The following ERLEC1 variants were observed in gnomAD, a reference collection of about 807,000 sequenced individuals.
The protein encoded by ERLEC1 is ER lectin.
Under a neutral mutation model 68.0 loss-of-function variants are expected in ERLEC1, and 47 were observed. The observed-to-expected ratio is 0.69, with a 90% CI of 0.55 to 0.88. The LOEUF is 0.88. Ranked by LOEUF, ERLEC1 falls within the 40% of genes least tolerant of loss-of-function variation. The probability of loss-of-function intolerance (pLI) is 0.00; values close to 1 mark genes in which losing one functional copy is unlikely to be tolerated. For missense variants in ERLEC1, 567 were observed against 583.8 expected (o/e 0.97, Z 0.30); for synonymous variants, 225 against 203.2 (o/e 1.11, Z -0.91).
chr2:53,793,762 C>T (rs993096694), intron 1 of ERLEC1, among the ~76,000 whole-genome samples: 1 of 151,956 alleles, frequency 6.6e-6, no homozygotes, highest in Non-Finnish European at 1.5e-5. Context: ...TTTCTTTATA[C>T]TCCAAACATT....
At chr2:53,815,297 C>T (rs374906797) in intron 13 of ERLEC1, among the ~76,000 whole-genome samples, 17 of 152,236 alleles carry the variant, frequency 1.1e-4, no homozygotes, top group East Asian at 3.9e-4. Flanking sequence ...TGAGCCACCA[C>T]GCCCGGCTGC....
chr2:53,796,089 T>C, intron 3 of ERLEC1, 76 bp downstream of exon 3: 2 of 1,040,152 alleles, frequency 1.9e-6, no homozygotes, highest in Non-Finnish European at 2.8e-6. Context: ...ATACCGTTTC[T>C]TCTTTATTAT....
intron 6 of ERLEC1, among the ~76,000 whole-genome samples, 165 bp downstream of exon 6, chr2:53,799,246 G>A (rs762366503): frequency 6.6e-6 from 1 of 151,842 alleles, no homozygotes; most frequent in African/African-American, 2.4e-5. Flanking sequence ...CCTTTTTTCC[G>A]AGAAAAGTTA....
chr2:53,807,844 AAACAACAAC>A (rs113620205), intron 8 of ERLEC1, among the ~76,000 whole-genome samples: 28 of 150,626 alleles, frequency 1.9e-4, no homozygotes, highest in African/African-American at 4.9e-4. Context: ...TCTGTACTGA[AAACAACAAC>A]AACAACAACA....
At position 53,797,610 on chromosome 2, in the gene ERLEC1, A is replaced by G. The variant is rs371905446; in HGVS notation, c.426+18A>G. 1.9e-6 allele frequency: 3 copies of G among 1,602,436 alleles called. No individual in the cohort carries two copies. Among genetic ancestry groups the G allele is most frequent in the Admixed American group, 1.7e-5 (1 of 58,660 alleles). On this transcript the variant is annotated intron_variant, in intron 4 of 13. Transcript: ENST00000185150. ...CTGGTCAGGTGTGTTTTTCTTCAAAATATTATTATGAAACATTATAAGATG... is the reference window on the plus strand; with the variant it reads ...CTGGTCAGGTGTGTTTTTCTTCAAAGTATTATTATGAAACATTATAAGATG...
Position 53,787,460 on chromosome 2 carries a change from C to G in ERLEC1, c.162+88C>G, listed in dbSNP as rs192235915. 195 of 1,457,246 alleles carry G rather than the reference C, an allele frequency of 1.3e-4. 1 individual carries two copies. Among genetic ancestry groups the G allele is most frequent in the Non-Finnish European group, 1.7e-4 (189 of 1,085,516 alleles). 90.3% of individuals were successfully genotyped at this position (1,457,246 alleles called of 1,614,324 possible). Reference sequence around the variant, plus strand: ...CCTCGGTTTTCTTTGCTTTTTCTCCCCAAGACCTTCTCTGCAGACTCTTAC... The same window carrying G: ...CCTCGGTTTTCTTTGCTTTTTCTCCGCAAGACCTTCTCTGCAGACTCTTAC... On this transcript the variant is annotated intron_variant, in intron 1 of 13. Coordinates refer to ENST00000185150, the MANE Select transcript of ERLEC1 (RefSeq NM_015701.5).
rs762209241 is a variant in ERLEC1 at position 53,809,231 on chromosome 2, A to C, written c.1059A>C (p.Lys353Asn). Residue 353 changes from lysine to asparagine, a missense_variant, in exon 10 of 14, where the codon AAA (lysine) becomes AAC (asparagine). Coordinates refer to ENST00000185150, the MANE Select transcript of ERLEC1 (RefSeq NM_015701.5). The stretch of plus-strand genomic sequence containing the variant: ...TTTTTTAGGGTGTCGGTTGGTGGAA[A>C]TATGAATTCTGCTATGGCAAACATG... Reference protein sequence around the residue: ...YCFRGGVGWWKYEFCYGKHVH... With the variant: ...YCFRGGVGWWNYEFCYGKHVH... 2 of 1,583,326 alleles carry C rather than the reference A, an allele frequency of 1.3e-6. No individual in the cohort carries two copies. Among genetic ancestry groups the C allele is most frequent in the South Asian group, 2.4e-5 (2 of 83,620 alleles).
rs1187132326 is a variant in ERLEC1 at position 53,793,620 on chromosome 2, C to CT, written c.163-715dup. Among the ~76,000 whole-genome samples the CT allele has an allele frequency of 7.7e-3, 1,128 of 146,992 alleles. 17 individuals carry two copies. Among genetic ancestry groups the CT allele is most frequent in the African/African-American group, 0.026 (1,064 of 40,260 alleles). On this transcript the variant is annotated intron_variant, in intron 1 of 13. Coordinates refer to ENST00000185150, the MANE Select transcript of ERLEC1 (RefSeq NM_015701.5). The stretch of plus-strand genomic sequence containing the variant: ...TCTTAGTGCCTTTTTTTCTTTTTTT[C>CT]TTTTTTTTTTGTAACAGGGTCTTGC...
Position 53,802,802 on chromosome 2 carries a change from G to T in ERLEC1, c.879+960G>T, listed in dbSNP as rs532739138. 1.4e-4 allele frequency among the ~76,000 whole-genome samples: 21 copies of T among 152,244 alleles called. No individual in the cohort carries two copies. In the South Asian group the frequency reaches 4.2e-3, roughly 30 times the overall value. The stretch of plus-strand genomic sequence containing the variant: ...GCTGGAGTGCAGTGGCATGATCTCG[G>T]CTTACTGCAGTCTCCGCCTCCCTAG... On this transcript the variant is annotated intron_variant, in intron 8 of 13. Coordinates refer to ENST00000185150, the MANE Select transcript of ERLEC1 (RefSeq NM_015701.5).
chr2:53,797,641 T>A, intron 4 of ERLEC1, 49 bp downstream of exon 4: 1 of 1,573,762 alleles, frequency 6.4e-7, no homozygotes, highest in Non-Finnish European at 8.7e-7. Context: ...AGATGAGAAC[T>A]TTAATAATGA....
At chr2:53,796,495 T>G (rs1377247291) in intron 3 of ERLEC1, among the ~76,000 whole-genome samples, 1 of 152,132 alleles carries the variant, frequency 6.6e-6, no homozygotes, top group Non-Finnish European at 1.5e-5. Context: ...GGTCTCATTC[T>G]GTCACCCAGG....
In ERLEC1 at chr2:53,787,279, C is replaced by A. The variant is rs775903023; in HGVS notation, c.69C>A (p.Gly23=). The A allele has an allele frequency of 6.2e-7, 1 of 1,609,020 alleles. No individual in the cohort carries two copies. The highest frequency in any genetic ancestry group is 1.1e-5 in the South Asian group (1 of 91,070). ...GGCCGGTGTTACTGGTCCTCTGCGG[C>A]CTCCTGGAGGCGTCCGGCGGCGGCC... ...PGGPVLLVLC[G]LLEASGGGRA... is the part of the protein sequence containing the mutation. The change falls in exon 1 of 14, where the codon GGC becomes GGA. Residue 23 remains glycine (G), a synonymous_variant. Transcript: ENST00000185150.
At chr2:53,801,912 T>G (rs1676027539) in intron 8 of ERLEC1, 70 bp downstream of exon 8, 1 of 1,315,830 alleles carries the variant, frequency 7.6e-7, no homozygotes, top group Non-Finnish European at 1.1e-6. Flanking sequence ...TGTCAATATT[T>G]TAATGATTTC....
intron 6 of ERLEC1, 39 bp from the exon 7 acceptor site, chr2:53,801,358 G>A: frequency 6.6e-7 from 1 of 1,524,562 alleles, no homozygotes; most frequent in Non-Finnish European, 9.1e-7. Context: ...CCATCTCCAT[G>A]TCTAATGAAA....
intron 8 of ERLEC1, 133 bp from the exon 9 acceptor site, chr2:53,808,166 A>G (rs1676398305): frequency 2.3e-6 from 2 of 877,652 alleles, no homozygotes; most frequent in African/African-American, 1.7e-5. Context: ...CCATTATCTT[A>G]AAGTGTATTA....
rs781490265 is a variant in ERLEC1 at position 53,801,414 on chromosome 2, C to T, written c.543C>T (p.Ile181=). Residue 181 remains isoleucine (I), a synonymous_variant, in exon 7 of 14, where the codon ATC becomes ATT. Transcript: ENST00000185150. Reference sequence around the variant, plus strand: ...TTTTTAAGATTCCCACTAAAAATATCGAAGGTCAGATGACACCATACTATC... The same window carrying T: ...TTTTTAAGATTCCCACTAAAAATATTGAAGGTCAGATGACACCATACTATC... The part of the protein sequence containing the change: ...EKSNEIPTKN[I]EGQMTPYYPV... The T allele has an allele frequency of 1.5e-5, 25 of 1,612,940 alleles. No homozygotes were observed. The highest frequency in any genetic ancestry group is 2.0e-5 in the Non-Finnish European group (23 of 1,179,484).
Position 53,814,545 on chromosome 2 carries a change from T to C in ERLEC1, c.1229T>C (p.Met410Thr), listed in dbSNP as rs1462767698. The change falls in exon 12 of 14, where the codon ATG (methionine) becomes ACG (threonine). Residue 410 changes from methionine (M) to threonine (T), a missense_variant and splice_region_variant. Transcript: ENST00000185150. Reference sequence around the variant, plus strand: ...ACTTGTGTGTTTCTCTGATTCAGGATGGTGTCACATTTTTATGGAAATGGA... The same window carrying C: ...ACTTGTGTGTTTCTCTGATTCAGGACGGTGTCACATTTTTATGGAAATGGA... ...LQDDGTQTVR[M>T]VSHFYGNGDI... is the part of the protein sequence containing the mutation. 1.9e-6 allele frequency: 3 copies of C among 1,608,908 alleles called. No homozygotes were observed. The East Asian group carries it at 6.7e-5, about 36-fold the overall frequency.
At position 53,808,291 on chromosome 2, in the gene ERLEC1, A is replaced by G; in HGVS notation, c.880-8A>G. 1 of 1,611,698 alleles carries G rather than the reference A, an allele frequency of 6.2e-7. No individual in the cohort carries two copies. The highest frequency in any genetic ancestry group is 8.5e-7 in the Non-Finnish European group (1 of 1,179,472). On this transcript the variant is annotated splice_region_variant and splice_polypyrimidine_tract_variant and intron_variant, in intron 8 of 13. Transcript: ENST00000185150. ...TGGAAACCCTTAAACGTGTGTGTTT[A>G]ATTTTAGGAAGATTTGCAATCAACT...
At chr2:53,808,742 A>T (rs1003477806) in intron 9 of ERLEC1, among the ~76,000 whole-genome samples, 1 of 152,204 alleles carries the variant, frequency 6.6e-6, no homozygotes, top group East Asian at 1.9e-4. Context: ...GTGATTGTAT[A>T]TCCCACATTT....
Sources: gnomAD v4.1 joint callset for allele counts (sites outside exome capture counted in the v4.1 genomes callset) on GRCh38, gnomAD v4.1.1 for gene constraint, MANE v1.5 for transcripts, NCBI Gene and HGNC (gene_info 2026-07-23, HGNC 2026-07-21) for gene names.